Variants in CACNA1C observed in about 807,000 individuals in gnomAD.
The protein encoded by CACNA1C is voltage-dependent L-type calcium channel subunit alpha-1C.
CACNA1C carries 30 observed loss-of-function variants against 229.0 expected under a neutral mutation model. The ratio of observed to expected loss-of-function variants is 0.13; its 90% CI spans 0.10 to 0.18. The LOEUF is 0.18. Ranked by LOEUF, CACNA1C falls within the 10% of genes least tolerant of loss-of-function variation. The pLI, the probability that CACNA1C is intolerant of heterozygous loss-of-function variation, is 1.00. For synonymous variants in CACNA1C, 1,114 were observed against 1,132.5 expected (o/e 0.98, Z 0.33); for missense variants, 1,658 against 2,845.0 (o/e 0.58, Z 9.49).
intron 3 of CACNA1C, among the ~76,000 whole-genome samples, chr12:2,427,664 C>G (rs192741666): frequency 8.5e-5 from 13 of 152,248 alleles, no homozygotes; most frequent in Admixed American, 8.5e-4. Context: ...GCTTGTCACC[C>G]AGGCTGCAGT....
chr12:2,530,550 T>G (rs540684539), intron 9 of CACNA1C, among the ~76,000 whole-genome samples: 22 of 152,270 alleles, frequency 1.4e-4, no homozygotes, highest in Non-Finnish European at 2.4e-4. Context: ...GGAGCCCAAA[T>G]TGTGGTCATA....
intron 1 of CACNA1C, among the ~76,000 whole-genome samples, chr12:2,035,885 C>G (rs535538281): frequency 6.6e-6 from 1 of 152,254 alleles, no homozygotes; most frequent in African/African-American, 2.4e-5. Flanking sequence ...TTCTTTATGC[C>G]GGATCTAAAT....
intron 1 of CACNA1C, among the ~76,000 whole-genome samples, chr12:2,107,930 G>T (rs1370499743): frequency 3.3e-5 from 5 of 152,192 alleles, no homozygotes; most frequent in African/African-American, 1.2e-4. Context: ...GTGTTGCCCA[G>T]TGTGGGCGCC....
chr12:2,366,848 G>A (rs987679796), intron 3 of CACNA1C, among the ~76,000 whole-genome samples: 3 of 152,154 alleles, frequency 2.0e-5, no homozygotes, highest in Admixed American at 6.5e-5. Context: ...AAGGCAAAGG[G>A]GAAGCAGGCA....
chr12:2,263,014 A>G (rs189114298), intron 3 of CACNA1C, among the ~76,000 whole-genome samples: 67 of 152,324 alleles, frequency 4.4e-4, no homozygotes, highest in Non-Finnish European at 8.4e-4. Context: ...GATACATAAT[A>G]TTAGACACAG....
chr12:2,618,033 AT>A (rs2081489293), intron 29 of CACNA1C, among the ~76,000 whole-genome samples: 2 of 152,210 alleles, frequency 1.3e-5, no homozygotes, highest in Admixed American at 1.3e-4. Flanking sequence ...CTCCAGGGGC[AT>A]CCATGCCCTG....
chr12:2,482,023 A>G (rs1446153470), intron 5 of CACNA1C, among the ~76,000 whole-genome samples: 1 of 152,226 alleles, frequency 6.6e-6, no homozygotes. Flanking sequence ...GAGTTGGAGG[A>G]GCTGTTTCTG....
Position 2,585,021 on chromosome 12 carries a change from T to A in CACNA1C, c.2340-355T>A, listed in dbSNP as rs528866428. Among the ~76,000 whole-genome samples the A allele has an allele frequency of 6.6e-6, 1 of 152,206 alleles. No individual in the cohort carries two copies. The highest frequency in any genetic ancestry group is 2.1e-4 in the South Asian group (1 of 4,822). ...AGGCAAGACGGGGCCCTATGTTGTA[T>A]CCTATCATTATCTAGACGGGACAGT... On this transcript the variant is annotated intron_variant, in intron 16 of 46. Coordinates refer to ENST00000399655, the MANE Select transcript of CACNA1C (RefSeq NM_000719.7). The surrounding 1 kb of genome is among the most constrained non-coding windows in gnomAD (Gnocchi z 4.1).
intron 1 of CACNA1C, among the ~76,000 whole-genome samples, chr12:1,979,371 G>T (rs1466905851): frequency 3.9e-5 from 6 of 152,038 alleles, no homozygotes; most frequent in African/African-American, 1.2e-4. Context: ...CTGGAGTGCA[G>T]TGGTGCCATC....
intron 5 of CACNA1C, among the ~76,000 whole-genome samples, chr12:2,480,176 C>T (rs2099668604): frequency 6.6e-6 from 1 of 152,176 alleles, no homozygotes; most frequent in South Asian, 2.1e-4. Context: ...CTTTGAGAGA[C>T]AGAACAAAGC....
intron 5 of CACNA1C, among the ~76,000 whole-genome samples, chr12:2,482,194 A>G (rs2099678541): frequency 6.6e-6 from 1 of 152,230 alleles, no homozygotes. Flanking sequence ...GATGGAAGCG[A>G]GAGCCTTTCC....
In CACNA1C at chr12:2,697,188, C is replaced by T. The variant is rs914603805; in HGVS notation, c.*5989C>T. 6.6e-6 allele frequency: 1 copy of T among 152,652 alleles called. No individual in the cohort carries two copies. Among genetic ancestry groups the T allele is most frequent in the Non-Finnish European group, 1.5e-5 (1 of 68,380 alleles). 9.5% of individuals were successfully genotyped at this position (152,652 alleles called of 1,614,324 possible). The stretch of plus-strand genomic sequence containing the variant: ...GCCCATACCCACACCTGAAATCCAT[C>T]TCTTGAATCCCAGCCAGGTTATATA... On this transcript the variant is annotated 3_prime_UTR_variant, in exon 47 of 47. Transcript: ENST00000399655.
chr12:2,003,228 C>G (rs1310796613), intron 1 of CACNA1C, among the ~76,000 whole-genome samples: 4 of 152,070 alleles, frequency 2.6e-5, no homozygotes, highest in African/African-American at 9.7e-5. Context: ...GATAAGTAGG[C>G]TTATGAATGT....
At chr12:2,117,394 G>A (rs1271080865) in intron 2 of CACNA1C, among the ~76,000 whole-genome samples, 1 of 152,256 alleles carries the variant, frequency 6.6e-6, no homozygotes, top group Admixed American at 6.5e-5. Flanking sequence ...AGTGCCCGGG[G>A]TACTGGATGG....
intron 9 of CACNA1C, among the ~76,000 whole-genome samples, chr12:2,533,451 G>A (rs2099845739): frequency 6.6e-6 from 1 of 152,352 alleles, no homozygotes; most frequent in Non-Finnish European, 1.5e-5. Context: ...TGAGCGTGAA[G>A]GAGAAACAGC....
intron 10 of CACNA1C, among the ~76,000 whole-genome samples, chr12:2,552,164 A>G (rs763010659): frequency 6.6e-6 from 1 of 152,216 alleles, no homozygotes; most frequent in South Asian, 2.1e-4. Flanking sequence ...GAGGAATTTC[A>G]GGACAGAGCT....
intron 1 of CACNA1C, among the ~76,000 whole-genome samples, chr12:2,071,292 A>G (rs1006626819): frequency 6.7e-6 from 1 of 150,342 alleles, no homozygotes; most frequent in Non-Finnish European, 1.5e-5. Flanking sequence ...TACTTGGCTC[A>G]CTGCAGCCTT....
chr12:2,682,456 CTGCA>C (rs1339465361), intron 42 of CACNA1C, 90 bp from the exon 43 acceptor site: 1 of 1,412,614 alleles, frequency 7.1e-7, no homozygotes, highest in Non-Finnish European at 9.7e-7. Context: ...GTGTGTACAC[CTGCA>C]TGTGTGTGCG....
rs2096156243 is a variant in CACNA1C, at chr12:2,666,922, T to G, written c.4623+140T>G. ...TTTTAAGGGTCCTTCCAGCTCTAAA[T>G]TCTCAGACTCTATGAGGGAATAACA... On this transcript the variant is annotated intron_variant, in intron 37 of 46. Coordinates refer to ENST00000399655, the MANE Select transcript of CACNA1C (RefSeq NM_000719.7). The surrounding 1 kb of genome is among the most constrained non-coding windows in gnomAD (Gnocchi z 5.3). 2 of 657,046 alleles carry G rather than the reference T, an allele frequency of 3.0e-6. No individual in the cohort carries two copies. Among genetic ancestry groups the G allele is most frequent in the Non-Finnish European group, 5.5e-6 (2 of 362,170 alleles). The allele number at this position is 657,046 out of a possible 1,614,324, so 40.7% of individuals were successfully genotyped here. A position where few individuals can be genotyped will look rare whatever the true frequency, so the allele number is the denominator to read the frequency against.
Sources: allele counts gnomAD v4.1 joint callset (sites outside exome capture counted in the v4.1 genomes callset), GRCh38; gene constraint gnomAD v4.1.1; non-coding constraint Gnocchi (gnomAD v3.1); transcripts MANE v1.5; gene names NCBI Gene and HGNC (gene_info 2026-07-23, HGNC 2026-07-21).